The following SEPSECS variants were observed in gnomAD, a reference collection of about 807,000 sequenced individuals.
SEPSECS encodes the protein O-phosphoseryl-tRNA(Sec) selenium transferase.
A neutral mutation model predicts 52.1 loss-of-function variants in SEPSECS; 42 were observed. That is an observed-to-expected ratio of 0.81 (90% CI 0.63 to 1.04). The LOEUF (loss-of-function observed/expected upper bound fraction) is 1.04, where lower values mean the gene tolerates loss of function less well. Among genes scored for constraint, SEPSECS ranks in the 50% least tolerant of loss-of-function variants. The pLI, the probability that SEPSECS is intolerant of heterozygous loss-of-function variation, is 0.00. For missense variants in SEPSECS, 590 were observed against 610.6 expected (o/e 0.97, Z 0.36); for synonymous variants, 216 against 211.4 (o/e 1.02, Z -0.19).
intron 8 of SEPSECS, among the ~76,000 whole-genome samples, chr4:25,128,793 A>G (rs1728495799): frequency 6.6e-6 from 1 of 152,040 alleles, no homozygotes; most frequent in African/African-American, 2.4e-5. Context: ...AGGGGCTAAC[A>G]GAGTACCCAA....
At chr4:25,132,697 T>C (rs1333161266) in intron 8 of SEPSECS, among the ~76,000 whole-genome samples, 1 of 152,184 alleles carries the variant, frequency 6.6e-6, no homozygotes, top group Non-Finnish European at 1.5e-5. Context: ...ATACAGAGAA[T>C]TTTAAATAAA....
chr4:25,158,577 C>CAA (rs201141068), intron 2 of SEPSECS, among the ~76,000 whole-genome samples: 86 of 128,426 alleles, frequency 6.7e-4, no homozygotes, highest in Non-Finnish European at 2.4e-4. Flanking sequence ...ATAAATCATT[C>CAA]AAAAAAAAAA....
At chr4:25,141,698 A>G (rs1204764493) in intron 8 of SEPSECS, among the ~76,000 whole-genome samples, 1 of 152,144 alleles carries the variant, frequency 6.6e-6, no homozygotes, top group African/African-American at 2.4e-5. Context: ...AGATCATTCT[A>G]CTCAATTCAA....
rs753956739 is a variant in SEPSECS at position 25,123,925 on chromosome 4, C to T, written c.*6G>A. Reference sequence around the variant, plus strand: ...TTCAAATGATCAAGAAGAAACCCTTCGCATGTCATGAAGAAGCATCCTGGT... The same window carrying T: ...TTCAAATGATCAAGAAGAAACCCTTTGCATGTCATGAAGAAGCATCCTGGT... On this transcript the variant is annotated 3_prime_UTR_variant, in exon 11 of 11. Transcript: ENST00000382103. 66 of 1,610,872 alleles carry T rather than the reference C, an allele frequency of 4.1e-5. No individual in the cohort carries two copies. The highest frequency in any genetic ancestry group is 4.9e-5 in the Non-Finnish European group (58 of 1,177,218).
At chr4:25,150,903 A>T (rs567831246) in intron 6 of SEPSECS, among the ~76,000 whole-genome samples, 34 of 152,216 alleles carry the variant, frequency 2.2e-4, no homozygotes, top group Admixed American at 1.6e-3. Context: ...GCTACCCGGG[A>T]GGCTGAGGTA....
intron 8 of SEPSECS, among the ~76,000 whole-genome samples, chr4:25,128,503 C>G (rs549310777): frequency 6.6e-6 from 1 of 152,058 alleles, no homozygotes; most frequent in East Asian, 1.9e-4. Context: ...TTGTCCCACT[C>G]TGAAAAATAA....
At chr4:25,138,515 G>A (rs905210862) in intron 8 of SEPSECS, among the ~76,000 whole-genome samples, 17 of 150,246 alleles carry the variant, frequency 1.1e-4, no homozygotes, top group African/African-American at 3.7e-4. Context: ...CAAATCTGAG[G>A]AGTGCTCAAT....
At chr4:25,149,099 C>A (rs532979699) in intron 6 of SEPSECS, among the ~76,000 whole-genome samples, 1 of 152,044 alleles carries the variant, frequency 6.6e-6, no homozygotes, top group Non-Finnish European at 1.5e-5. Context: ...CGCTCTGTCA[C>A]CCAGGCTGAG....
intron 5 of SEPSECS, among the ~76,000 whole-genome samples, chr4:25,153,884 C>A (rs918653709): frequency 6.6e-6 from 1 of 151,920 alleles, no homozygotes; most frequent in African/African-American, 2.4e-5. Flanking sequence ...TAACACTGTG[C>A]CAGGCATACT....
intron 8 of SEPSECS, among the ~76,000 whole-genome samples, chr4:25,129,241 G>C (rs555164072): frequency 1.3e-5 from 2 of 151,972 alleles, no homozygotes; most frequent in East Asian, 3.9e-4. Flanking sequence ...TTTCTCTTTC[G>C]TTATTTAAAG....
At chr4:25,159,875 C>T in intron 1 of SEPSECS, 1 of 1,115,454 alleles carries the variant, frequency 9.0e-7, no homozygotes, top group Non-Finnish European at 1.1e-6. Context: ...TTCGAGTTAG[C>T]ATACAGTCTA....
rs1728197323 is a variant in SEPSECS, at chr4:25,123,106, A to G, written c.*825T>C. ...ATGTTTGGAATCCGTGACCCTGGTT[A>G]TCACTTAAGATTCTCTATATAGTAT... On this transcript the variant is annotated 3_prime_UTR_variant, in exon 11 of 11. Transcript: ENST00000382103. The G allele has an allele frequency of 6.6e-6, 1 of 152,184 alleles. No individual in the cohort carries two copies. The highest frequency in any genetic ancestry group is 1.5e-5 in the Non-Finnish European group (1 of 68,026). 9.4% of individuals were successfully genotyped at this position (152,184 alleles called of 1,614,324 possible).
At chr4:25,145,463 A>G (rs1050082689) in intron 6 of SEPSECS, among the ~76,000 whole-genome samples, 3 of 152,196 alleles carry the variant, frequency 2.0e-5, no homozygotes, top group Admixed American at 6.5e-5. Context: ...GGTGCTCCTT[A>G]TATGTGCAAC....
At chr4:25,128,328 A>G (rs1171027776) in intron 8 of SEPSECS, among the ~76,000 whole-genome samples, 3 of 152,136 alleles carry the variant, frequency 2.0e-5, no homozygotes, top group African/African-American at 4.8e-5. Context: ...TTTAAATCAC[A>G]CAACATTAAA....
intron 8 of SEPSECS, among the ~76,000 whole-genome samples, chr4:25,133,156 A>AT (rs1728680249): frequency 6.6e-6 from 1 of 152,190 alleles, no homozygotes; most frequent in Non-Finnish European, 1.5e-5. Flanking sequence ...ATTAAAAAAA[A>AT]CTAAAGTTAG....
At chr4:25,160,029 C>T (rs1294905319) in intron 1 of SEPSECS, 11 of 985,304 alleles carry the variant, frequency 1.1e-5, no homozygotes, top group Non-Finnish European at 1.2e-5. Flanking sequence ...CTCAAAACCC[C>T]GACCCCAACA....
intron 5 of SEPSECS, 143 bp from the exon 6 acceptor site, chr4:25,152,205 G>C (rs930413305): frequency 1.6e-6 from 1 of 613,554 alleles, no homozygotes. Flanking sequence ...TTCTATTGCA[G>C]TATTTTGACA....
chr4:25,129,600 A>T (rs112804393), intron 8 of SEPSECS, among the ~76,000 whole-genome samples: 57,506 of 150,256 alleles, frequency 0.38, 12,986 homozygotes, highest in Non-Finnish European at 0.5. Flanking sequence ...CACGCTGGTC[A>T]GGCTGGTCTC....
chr4:25,133,174 G>A (rs182906472), intron 8 of SEPSECS, among the ~76,000 whole-genome samples: 17 of 152,034 alleles, frequency 1.1e-4, no homozygotes, highest in Admixed American at 1.0e-3. Context: ...TAGCTAGCAG[G>A]ACTCCTACAG....
Sources: allele counts gnomAD v4.1 joint callset (sites outside exome capture counted in the v4.1 genomes callset), GRCh38; gene constraint gnomAD v4.1.1; transcripts MANE v1.5; gene names NCBI Gene and HGNC (gene_info 2026-07-23, HGNC 2026-07-21).